The following PDZD2 variants were observed in gnomAD, a reference collection of about 807,000 sequenced individuals.
PDZD2 encodes PDZ domain-containing protein 2.
In PDZD2, 90 loss-of-function variants were observed where a neutral mutation model predicts 220.7. The ratio of observed to expected loss-of-function variants is 0.41; its 90% CI spans 0.34 to 0.49. PDZD2 has a LOEUF of 0.49. PDZD2 is among the 20% of genes least tolerant of loss of function. PDZD2 has a pLI of 0.28. For missense variants in PDZD2, 3,174 were observed against 3,608.5 expected, an observed-to-expected ratio of 0.88 and a Z score of 3.08; for synonymous variants, 1,375 against 1,450.5, an observed-to-expected ratio of 0.95 and a Z score of 1.18.
intron 2 of PDZD2, among the ~76,000 whole-genome samples, chr5:31,971,261 T>C (rs1269661354): frequency 6.6e-6 from 1 of 152,190 alleles, no homozygotes; most frequent in Non-Finnish European, 1.5e-5. Flanking sequence ...GGGCTCTGCT[T>C]CCAAGATAGC....
chr5:31,914,250 G>C (rs1279998149), intron 2 of PDZD2, among the ~76,000 whole-genome samples: 2 of 152,198 alleles, frequency 1.3e-5, no homozygotes, highest in African/African-American at 4.8e-5. Flanking sequence ...TTCTGATCCT[G>C]GCCGGGCGCG....
intron 9 of PDZD2, among the ~76,000 whole-genome samples, chr5:32,053,052 T>A (rs906772958): frequency 2.0e-5 from 3 of 152,234 alleles, no homozygotes; most frequent in Non-Finnish European, 4.4e-5. Context: ...GAAGGACCGC[T>A]AAAGTGGCCT....
rs1438238740 is a variant in PDZD2, at chr5:31,908,503, A to G, written c.477-74652A>G. The G allele has an allele frequency of 4.7e-6, 5 of 1,053,552 alleles. No homozygotes were observed. The East Asian group carries it at 1.6e-4, about 33-fold the overall frequency. 65.3% of individuals were successfully genotyped at this position (1,053,552 alleles called of 1,614,324 possible). On this transcript the variant is annotated intron_variant, in intron 2 of 24. Coordinates refer to ENST00000438447, the MANE Select transcript of PDZD2 (RefSeq NM_178140.4). ...CACTGATGACTCGCTCATTGGTGGA[A>G]ATGCCTCCGCTGAAGGCCCCGAGGG...
chr5:31,799,435 C>G lies in PDZD2; in HGVS notation c.187C>G (p.Pro63Ala), dbSNP rs767395848. 10 of 1,614,056 alleles carry G rather than the reference C, an allele frequency of 6.2e-6. No individual in the cohort carries two copies. The highest frequency in any genetic ancestry group is 1.7e-5 in the Admixed American group (1 of 59,992). The change falls in exon 2 of 25, where the codon CCC (proline) becomes GCC (alanine). Residue 63 changes from proline (P) to alanine (A), a missense_variant. Coordinates refer to ENST00000438447, the MANE Select transcript of PDZD2 (RefSeq NM_178140.4). Reference protein sequence around the residue: ...DESTVPPDHSPPEMEICTVYL... With the variant: ...DESTVPPDHSAPEMEICTVYL... ...GAGTACGGTCCCACCTGATCACAGC[C>G]CCCCCGAAATGGAGATCTGTACTGT...
chr5:32,010,860 G>T (rs1025110863), intron 6 of PDZD2, among the ~76,000 whole-genome samples: 13 of 151,618 alleles, frequency 8.6e-5, no homozygotes, highest in Non-Finnish European at 1.9e-4. Context: ...GCCAGGCATG[G>T]TGGTGCATGC....
chr5:31,734,504 G>C (rs1369998914), intron 1 of PDZD2, among the ~76,000 whole-genome samples: 2 of 151,896 alleles, frequency 1.3e-5, no homozygotes, highest in Non-Finnish European at 2.9e-5. Flanking sequence ...TTTTTAGTAG[G>C]GACAGGGTTT....
intron 3 of PDZD2, among the ~76,000 whole-genome samples, chr5:31,984,791 G>A (rs1273102658): frequency 6.6e-6 from 1 of 152,138 alleles, no homozygotes; most frequent in Non-Finnish European, 1.5e-5. Context: ...TTCTACCACT[G>A]CTCTTCATCC....
intron 1 of PDZD2, among the ~76,000 whole-genome samples, chr5:31,743,324 G>A (rs1433491893): frequency 2.0e-5 from 3 of 152,086 alleles, no homozygotes; most frequent in East Asian, 3.9e-4. Flanking sequence ...ACAGGCATGC[G>A]CCACCATGCC....
intron 1 of PDZD2, among the ~76,000 whole-genome samples, chr5:31,778,911 C>T (rs1752882842): frequency 6.6e-6 from 1 of 152,174 alleles, no homozygotes; most frequent in Non-Finnish European, 1.5e-5. Context: ...TAGTGAATAT[C>T]CTTCAAAGAC....
chr5:31,777,643 C>T (rs1752777256), intron 1 of PDZD2, among the ~76,000 whole-genome samples: 1 of 152,230 alleles, frequency 6.6e-6, no homozygotes, highest in African/African-American at 2.4e-5. Flanking sequence ...ATGCACCAAT[C>T]AGCACTCTGT....
intron 1 of PDZD2, among the ~76,000 whole-genome samples, chr5:31,641,708 C>T (rs1367192338): frequency 6.6e-6 from 1 of 152,012 alleles, no homozygotes; most frequent in Non-Finnish European, 1.5e-5. Flanking sequence ...ATGCTGGTCT[C>T]GAACTCCTGG....
intron 2 of PDZD2, among the ~76,000 whole-genome samples, chr5:31,900,483 G>A (rs1237028469): frequency 6.8e-6 from 1 of 146,414 alleles, no homozygotes; most frequent in East Asian, 2.0e-4. Context: ...GCTCCAGGCT[G>A]CCCGAGGCTA....
In PDZD2 at chr5:31,643,810, T is replaced by C. The variant is rs1289985007; in HGVS notation, c.-361+4373T>C. On this transcript the variant is annotated intron_variant, in intron 1 of 24. Coordinates refer to ENST00000438447, the MANE Select transcript of PDZD2 (RefSeq NM_178140.4). ...AGATATGTGCCAAATTAAATGAAAT[T>C]GGGGAAAATGTGAATAATTTTTTTT... Among the ~76,000 whole-genome samples, 4 of 151,568 alleles carry C rather than the reference T, an allele frequency of 2.6e-5. No homozygotes were observed. The East Asian group carries it at 7.8e-4, about 30-fold the overall frequency.
intron 1 of PDZD2, among the ~76,000 whole-genome samples, chr5:31,786,498 A>T (rs1374240356): frequency 6.6e-6 from 1 of 152,354 alleles, no homozygotes; most frequent in East Asian, 1.9e-4. Flanking sequence ...GCACATAAAT[A>T]TAAAACCACC....
Position 32,074,362 on chromosome 5 carries a change from A to C in PDZD2, c.3256A>C (p.Lys1086Gln). Residue 1086 changes from lysine (K) to glutamine (Q), a missense_variant, in exon 18 of 25, where the codon AAA becomes CAA. Transcript: ENST00000438447. ...ACTGTCAGGATCAAGTAGCGCACCC[A>C]AATTGGAATACACAGTCCGTACAGA... ...KELSGSSSAP[K>Q]LEYTVRTDTQ... is the part of the protein sequence containing the mutation. 3.1e-6 allele frequency: 5 copies of C among 1,614,202 alleles called. No homozygotes were observed. Among genetic ancestry groups the C allele is most frequent in the Non-Finnish European group, 3.4e-6 (4 of 1,180,040 alleles).
chr5:31,954,224 T>C (rs1747452493), intron 2 of PDZD2, among the ~76,000 whole-genome samples: 1 of 152,190 alleles, frequency 6.6e-6, no homozygotes, highest in Non-Finnish European at 1.5e-5. Flanking sequence ...TTGTTTTTTG[T>C]TTTTTACAAG....
chr5:31,908,532 G>A lies in PDZD2; in HGVS notation c.477-74623G>A, dbSNP rs774049880. 5.5e-5 allele frequency: 59 copies of A among 1,077,842 alleles called. 2 individuals carry two copies. The highest frequency in any genetic ancestry group is 5.0e-5 in the Non-Finnish European group (37 of 736,386). 66.8% of individuals were successfully genotyped at this position (1,077,842 alleles called of 1,614,324 possible). A position where few individuals can be genotyped will look rare whatever the true frequency, so the allele number is the denominator to read the frequency against. ...CCTCCGCTGAAGGCCCCGAGGGCGAGGGCACGGAAAGCACAGTAATGGCTG... is the reference window on the plus strand; with the variant it reads ...CCTCCGCTGAAGGCCCCGAGGGCGAAGGCACGGAAAGCACAGTAATGGCTG... On this transcript the variant is annotated intron_variant, in intron 2 of 24. Coordinates refer to ENST00000438447, the MANE Select transcript of PDZD2 (RefSeq NM_178140.4).
At chr5:31,814,551 C>T (rs1320961921) in intron 2 of PDZD2, among the ~76,000 whole-genome samples, 3 of 152,052 alleles carry the variant, frequency 2.0e-5, no homozygotes, top group African/African-American at 4.8e-5. Flanking sequence ...GCCCTGGTGT[C>T]GTGGCTTACA....
At chr5:32,002,548 A>G (rs1426059379) in intron 5 of PDZD2, among the ~76,000 whole-genome samples, 5 of 151,782 alleles carry the variant, frequency 3.3e-5, no homozygotes, top group Non-Finnish European at 5.9e-5. Flanking sequence ...TGGGAGCCTG[A>G]AAGCATCTTT....
Sources: gnomAD v4.1 joint callset for allele counts (sites outside exome capture counted in the v4.1 genomes callset) on GRCh38, gnomAD v4.1.1 for gene constraint, MANE v1.5 for transcripts, NCBI Gene and HGNC (gene_info 2026-07-23, HGNC 2026-07-21) for gene names.